The following RBFOX1 variants were observed in gnomAD, a reference collection of about 807,000 sequenced individuals.
RBFOX1 encodes RNA binding protein fox-1 homolog 1.
Under a neutral mutation model 57.7 loss-of-function variants are expected in RBFOX1, and 8 were observed. The observed-to-expected ratio is 0.14, with a 90% confidence interval of 0.08 to 0.25. RBFOX1 has a LOEUF of 0.25. Among genes scored for constraint, RBFOX1 ranks in the 10% least tolerant of loss-of-function variants. The pLI, the probability that RBFOX1 is intolerant of heterozygous loss-of-function variation, is 1.00. For synonymous variants in RBFOX1, 326 were observed against 222.4 expected, an observed-to-expected ratio of 1.47 and a Z score of -4.15; for missense variants, 611 against 548.5, an observed-to-expected ratio of 1.11 and a Z score of -1.14.
chr16:6,213,388 C>T (rs541514162), intron 1 of RBFOX1, among the ~76,000 whole-genome samples: 1 of 152,088 alleles, frequency 6.6e-6, no homozygotes, highest in African/African-American at 2.4e-5. Context: ...TGAAGCTTCT[C>T]TTAGCCCCAT....
At chr16:7,568,882 C>A (rs60743059) in intron 5 of RBFOX1, among the ~76,000 whole-genome samples, 13,245 of 77,900 alleles carry the variant, frequency 0.17, 1,375 homozygotes, top group South Asian at 0.37. Context: ...GACTCTGTCT[C>A]AAAAAAAAAA....
At chr16:6,625,023 G>A (rs143594600) in intron 2 of RBFOX1, among the ~76,000 whole-genome samples, 8 of 151,848 alleles carry the variant, frequency 5.3e-5, no homozygotes, top group Non-Finnish European at 1.0e-4. Context: ...AAATTAGCTG[G>A]GTGTGGTGTC....
At chr16:5,906,034 CT>C (rs2058447078) in intron 4 of RBFOX1, among the ~76,000 whole-genome samples, 1 of 152,100 alleles carries the variant, frequency 6.6e-6, no homozygotes, top group Non-Finnish European at 1.5e-5. Flanking sequence ...GTATTTGCTG[CT>C]TTGGCTGTGA....
intron 9 of RBFOX1, among the ~76,000 whole-genome samples, chr16:7,602,722 C>G (rs558274906): frequency 6.6e-6 from 1 of 152,214 alleles, no homozygotes; most frequent in East Asian, 1.9e-4. Flanking sequence ...GGGCTGGATT[C>G]TAGACCAAAT....
At chr16:6,203,713 T>G (rs920625843) in intron 1 of RBFOX1, among the ~76,000 whole-genome samples, 1 of 152,164 alleles carries the variant, frequency 6.6e-6, no homozygotes, top group Non-Finnish European at 1.5e-5. Context: ...TTGGTGAAGA[T>G]GTGGAAAGAA....
intron 2 of RBFOX1, among the ~76,000 whole-genome samples, chr16:6,419,567 G>A (rs1196701857): frequency 6.6e-6 from 1 of 152,188 alleles, no homozygotes; most frequent in African/African-American, 2.4e-5. Context: ...AGAGGAGAAT[G>A]AAAAGGTAGA....
intron 4 of RBFOX1, among the ~76,000 whole-genome samples, chr16:7,155,997 A>G (rs535364904): frequency 6.6e-6 from 1 of 151,930 alleles, no homozygotes; most frequent in African/African-American, 2.4e-5. Context: ...TGTTTTATAT[A>G]TATATCTACA....
At chr16:7,073,605 A>G (rs1009015689) in intron 4 of RBFOX1, among the ~76,000 whole-genome samples, 1 of 152,116 alleles carries the variant, frequency 6.6e-6, no homozygotes, top group African/African-American at 2.4e-5. Context: ...CCCCTTTGGG[A>G]GGTCGAGGTG....
rs1251635769 is a variant in RBFOX1 at position 5,709,833 on chromosome 16, ATATATATATATTTTTTTTTTTTTTTTT to A, written c.318+110874_318+110900del. Among the ~76,000 whole-genome samples, 8 of 7,164 alleles carry A rather than the reference ATATATATATATTTTTTTTTTTTTTTTT, an allele frequency of 1.1e-3. No individual in the cohort carries two copies. In the South Asian group the frequency reaches 0.093, roughly 83 times the overall value. The allele number at this position is 7,164 out of a possible 152,430, so 4.7% of individuals were successfully genotyped here. On this transcript the variant is annotated intron_variant, in intron 3 of 19. Transcript: ENST00000641259. ...TTTATATATATATATATATATATAT[ATATATATATATTTTTTTTTTTTTTTTT>A]TTTTTTTTTTTTTTTTTACCATTTC...
At chr16:7,537,285 A>G (rs544942004) in intron 5 of RBFOX1, among the ~76,000 whole-genome samples, 1 of 152,366 alleles carries the variant, frequency 6.6e-6, no homozygotes, top group South Asian at 2.1e-4. Flanking sequence ...ATAATCTGCC[A>G]GAGCTCTCTG....
At chr16:7,620,431 C>T (rs755988784) in intron 10 of RBFOX1, among the ~76,000 whole-genome samples, 19 of 152,192 alleles carry the variant, frequency 1.2e-4, no homozygotes, top group Non-Finnish European at 1.6e-4. Context: ...ATAGAAATCT[C>T]AGACGTTCAT....
chr16:7,466,652 C>G (rs1261914802), intron 4 of RBFOX1, among the ~76,000 whole-genome samples: 3 of 152,212 alleles, frequency 2.0e-5, no homozygotes, highest in Non-Finnish European at 4.4e-5. Flanking sequence ...AGGCATGTTA[C>G]TTTCTGAATC....
At chr16:6,190,272 G>A (rs118083825) in intron 1 of RBFOX1, among the ~76,000 whole-genome samples, 1 of 152,308 alleles carries the variant, frequency 6.6e-6, no homozygotes, top group Non-Finnish European at 1.5e-5. Context: ...GTTTGGGGAT[G>A]TTGAGTTCAA....
At chr16:7,676,437 A>C (rs1209918089) in intron 13 of RBFOX1, among the ~76,000 whole-genome samples, 2 of 152,228 alleles carry the variant, frequency 1.3e-5, no homozygotes, top group African/African-American at 4.8e-5. Flanking sequence ...TGGAAAGTTC[A>C]GCAAAGTATA....
At chr16:5,334,120 C>G (rs2064837189) in intron 1 of RBFOX1, among the ~76,000 whole-genome samples, 1 of 152,116 alleles carries the variant, frequency 6.6e-6, no homozygotes, top group Non-Finnish European at 1.5e-5. Flanking sequence ...GAGCTTATCA[C>G]AGGCTTGGAA....
intron 4 of RBFOX1, among the ~76,000 whole-genome samples, chr16:7,205,874 C>T (rs73539664): frequency 0.014 from 2,199 of 152,324 alleles, 66 homozygotes; most frequent in African/African-American, 0.05. Context: ...CTGCTTAACG[C>T]ATCCAAAGCA....
chr16:7,506,223 G>C (rs1385948045), intron 4 of RBFOX1, among the ~76,000 whole-genome samples: 1 of 124,708 alleles, frequency 8.0e-6, no homozygotes, highest in Non-Finnish European at 1.6e-5. Context: ...AAAAATTTCT[G>C]TAAGCTGGCA....
At chr16:7,076,257 C>T (rs944679003) in intron 4 of RBFOX1, among the ~76,000 whole-genome samples, 17 of 152,020 alleles carry the variant, frequency 1.1e-4, no homozygotes, top group Non-Finnish European at 1.6e-4. Flanking sequence ...TGGTCTTGAT[C>T]TCCTGACCTC....
At position 6,847,201 on chromosome 16, in the gene RBFOX1, A is replaced by G. The variant is rs549838957; in HGVS notation, c.-16+192551A>G. On this transcript the variant is annotated intron_variant, in intron 3 of 15. Transcript: ENST00000550418. ...CACTTCCAGGGACTTAATATTGGTC[A>G]TTTAATACTGCATAACAACATTTCA... Among the ~76,000 whole-genome samples, 3 of 152,304 alleles carry G rather than the reference A, an allele frequency of 2.0e-5. No homozygotes were observed. The East Asian group carries it at 5.8e-4, about 29-fold the overall frequency.
Sources: gnomAD v4.1 joint callset for allele counts (sites outside exome capture counted in the v4.1 genomes callset) on GRCh38, gnomAD v4.1.1 for gene constraint, MANE v1.5 for transcripts, NCBI Gene and HGNC (gene_info 2026-07-23, HGNC 2026-07-21) for gene names.